Variants in COL3A1 observed in about 807,000 individuals in gnomAD.
COL3A1 encodes the protein collagen alpha-1(III) chain.
COL3A1 carries 46 observed loss-of-function variants against 200.9 expected under a neutral mutation model. The ratio of observed to expected loss-of-function variants is 0.23; its 90% confidence interval spans 0.18 to 0.29. The LOEUF is 0.29. COL3A1 is among the 10% of genes least tolerant of loss of function. COL3A1 has a pLI of 1.00. For missense variants in COL3A1, 1,367 were observed against 1,917.6 expected, an observed-to-expected ratio of 0.71 and a Z score of 5.36; for synonymous variants, 650 against 628.0, an observed-to-expected ratio of 1.03 and a Z score of -0.52.
chr2:189,001,943 G>A (rs2153503268), intron 34 of COL3A1, among the ~76,000 whole-genome samples: 1 of 152,152 alleles, frequency 6.6e-6, no homozygotes, highest in South Asian at 2.1e-4. Flanking sequence ...TTAAGACTCT[G>A]GAAAGATATT....
In COL3A1 at chr2:188,985,715, A is replaced by G; in HGVS notation, c.384A>G (p.Gln128=). Residue 128 remains glutamine (Q), a synonymous_variant, in exon 4 of 51, where the codon CAA becomes CAG. Transcript: ENST00000304636. ...ATGGTGACCCTGGTATTCCAGGACA[A>G]CCAGGGTCCCCTGGTTCTCCTGGCC... ...GRNGDPGIPG[Q]PGSPGSPGPP... is the part of the protein sequence containing the mutation. The G allele has an allele frequency of 6.2e-7, 1 of 1,611,362 alleles. No individual in the cohort carries two copies. The highest frequency in any genetic ancestry group is 8.5e-7 in the Non-Finnish European group (1 of 1,178,852).
chr2:188,982,863 A>G (rs1687982849), intron 1 of COL3A1, among the ~76,000 whole-genome samples: 1 of 151,850 alleles, frequency 6.6e-6, no homozygotes, highest in African/African-American at 2.4e-5. Flanking sequence ...CCAAACCCAA[A>G]TTTTCGGACC....
At chr2:188,982,826 T>G (rs1397828629) in intron 1 of COL3A1, among the ~76,000 whole-genome samples, 1 of 151,856 alleles carries the variant, frequency 6.6e-6, no homozygotes, top group African/African-American at 2.4e-5. Context: ...AATTACAGTG[T>G]TCCATGTAAT....
At chr2:189,009,876 T>A (rs1176869280) in intron 48 of COL3A1, among the ~76,000 whole-genome samples, 1 of 152,186 alleles carries the variant, frequency 6.6e-6, no homozygotes, top group Non-Finnish European at 1.5e-5. Context: ...AGATTACATA[T>A]AATAATCATC....
chr2:189,001,585 G>A lies in COL3A1; in HGVS notation c.2387G>A (p.Ser796Asn), dbSNP rs772493390. Residue 796 changes from serine to asparagine, a missense_variant, in exon 34 of 51, where the codon AGC (serine) becomes AAC (asparagine). By Grantham distance (46) the Ser-to-Asn change is conservative. Around this residue, in one of 5 missense-constraint regions of COL3A1, gnomAD observed 846 missense variants for 1,147.9 expected, o/e 0.74. Coordinates refer to ENST00000304636, the MANE Select transcript of COL3A1 (RefSeq NM_000090.4). ...CCAGGTATAGCTGGACCTCGTGGTA[G>A]CCCTGTAAGTGTTAAAGACATTCTC... Reference protein sequence around the residue: ...GLPGIAGPRGSPGERGETGPP... With the variant: ...GLPGIAGPRGNPGERGETGPP... The A allele has an allele frequency of 1.4e-5, 22 of 1,613,648 alleles. No individual in the cohort carries two copies. The highest frequency in any genetic ancestry group is 1.9e-5 in the Non-Finnish European group (22 of 1,179,998).
intron 4 of COL3A1, among the ~76,000 whole-genome samples, chr2:188,986,085 AT>A (rs1429805240): frequency 6.6e-6 from 1 of 152,062 alleles, no homozygotes; most frequent in Non-Finnish European, 1.5e-5. Flanking sequence ...AACAAAAAAA[AT>A]TAACCTAAAT....
rs1220594341 is a variant in COL3A1, at chr2:188,999,824, T to C, written c.2230-18T>C. The C allele has an allele frequency of 1.9e-6, 3 of 1,590,386 alleles. No homozygotes were observed. The highest frequency in any genetic ancestry group is 1.8e-5 in the Admixed American group (1 of 54,652). The stretch of plus-strand genomic sequence containing the variant: ...TGAAGATACTTTGAATCTGATGACA[T>C]TGGCTTTTATTTGACAGGGTGAACC... On this transcript the variant is annotated intron_variant, in intron 31 of 50. Transcript: ENST00000304636.
At chr2:189,002,818 CT>C (rs1256532931) in intron 35 of COL3A1, 136 bp from the exon 36 acceptor site, 19 of 736,532 alleles carry the variant, frequency 2.6e-5, no homozygotes, top group Middle Eastern at 2.4e-4. Flanking sequence ...TTTGTCATGT[CT>C]TCAGAAAGCC....
chr2:188,994,675 C>T lies in COL3A1; in HGVS notation c.1348-49C>T, dbSNP rs762985567. 1.2e-6 allele frequency: 2 copies of T among 1,610,030 alleles called. No homozygotes were observed. Among genetic ancestry groups the T allele is most frequent in the Non-Finnish European group, 1.7e-6 (2 of 1,177,448 alleles). The stretch of plus-strand genomic sequence containing the variant: ...AAAGTAAACAGGTAAAAACTTTGAA[C>T]TAAATTCAGTCATAATTTCTTTATT... On this transcript the variant is annotated intron_variant, in intron 19 of 50. Coordinates refer to ENST00000304636, the MANE Select transcript of COL3A1 (RefSeq NM_000090.4). This position sits in a 1 kb window ranked among gnomAD's most constrained non-coding sequence, Gnocchi z 4.5.
chr2:188,992,050 T>G (rs887099082), intron 13 of COL3A1, 134 bp from the exon 14 acceptor site: 3 of 841,678 alleles, frequency 3.6e-6, no homozygotes, highest in Non-Finnish European at 6.0e-6. Context: ...GACTTTAAAA[T>G]ACATAATTAT....
At chr2:189,006,142 C>T in intron 41 of COL3A1, 64 bp from the exon 42 acceptor site, 1 of 1,528,260 alleles carries the variant, frequency 6.5e-7, no homozygotes, top group African/African-American at 1.4e-5. Context: ...GCTGAGAATG[C>T]ATGGATGAAA....
intron 43 of COL3A1, 131 bp downstream of exon 43, chr2:189,006,583 A>G: frequency 1.1e-6 from 1 of 905,408 alleles, no homozygotes; most frequent in Non-Finnish European, 1.8e-6. Flanking sequence ...TTTTAATGCT[A>G]GTTGTTCCTT....
chr2:188,974,437 C>A lies in COL3A1; in HGVS notation c.-53C>A, dbSNP rs1305979135. On this transcript the variant is annotated 5_prime_UTR_variant, in exon 1 of 51. In the 5' UTR this introduces an upstream ATG that the reference lacks. Transcript: ENST00000304636. ...AACAACTTGATGGTGCTACTTTGAA[C>A]TGCTTTTCTTTTCTCCTTTTTGCAC... The A allele has an allele frequency of 1.6e-5, 23 of 1,432,262 alleles. No homozygotes were observed. Among genetic ancestry groups the A allele is most frequent in the Non-Finnish European group, 2.2e-5 (22 of 1,017,706 alleles). 88.7% of individuals were successfully genotyped at this position (1,432,262 alleles called of 1,614,324 possible). A position where few individuals can be genotyped will look rare whatever the true frequency, so the allele number is the denominator to read the frequency against.
chr2:188,991,517 G>C lies in COL3A1; in HGVS notation c.883G>C (p.Ala295Pro), dbSNP rs1410895886. Reference protein sequence around the residue: ...GENGLPGENGAPGPMGPRGAP... With the variant: ...GENGLPGENGPPGPMGPRGAP... ...AAATGGTCTTCCAGGCGAAAATGGA[G>C]CTCCTGGACCCATGGTAATTATGTT... Residue 295 changes from alanine to proline, a missense_variant, in exon 12 of 51, where the codon GCT (alanine) becomes CCT (proline). Physicochemically the swap from Ala to Pro is conservative, Grantham distance 27. Around this residue, in one of 5 missense-constraint regions of COL3A1, gnomAD observed 462 missense variants for 681.4 expected, o/e 0.68. Transcript: ENST00000304636. 2.5e-6 allele frequency: 4 copies of C among 1,611,578 alleles called. No homozygotes were observed. The highest frequency in any genetic ancestry group is 3.4e-6 in the Non-Finnish European group (4 of 1,178,178).
rs1382065703 is a variant in COL3A1, at chr2:188,985,677, A to G, written c.346A>G (p.Ile116Val). The G allele has an allele frequency of 1.9e-6, 3 of 1,609,244 alleles. No individual in the cohort carries two copies. The highest frequency in any genetic ancestry group is 1.3e-5 in the African/African-American group (1 of 74,654). ...GPKGDPGPPG[I>V]PGRNGDPGIP... ...ATCTCTTTTTTAGGGCCCTCCTGGT[A>G]TTCCTGGGAGAAATGGTGACCCTGG... is the stretch of plus-strand genomic sequence containing the variant. Residue 116 changes from isoleucine (I) to valine (V), a missense_variant, in exon 4 of 51, where the codon ATT (isoleucine) becomes GTT (valine). Physicochemically the swap from Ile to Val is conservative, Grantham distance 29. This residue lies in a region of COL3A1 where 462 missense variants were observed against 681.4 expected (regional missense o/e 0.68). Transcript: ENST00000304636.
In COL3A1 at chr2:188,994,093, C is replaced by G; in HGVS notation, c.1194+11C>G. On this transcript the variant is annotated intron_variant, in intron 17 of 50. Transcript: ENST00000304636. This position sits in a 1 kb window ranked among gnomAD's most constrained non-coding sequence, Gnocchi z 4.5. ...GGTAAAGGCGAAATGGTAAGCTGTC[C>G]CCACTCCTCAGCCTTATCTCATCCA... The G allele has an allele frequency of 6.2e-7, 1 of 1,614,050 alleles. No individual in the cohort carries two copies.
chr2:189,003,912 G>C, intron 38 of COL3A1, 70 bp from the exon 39 acceptor site: 1 of 1,567,422 alleles, frequency 6.4e-7, no homozygotes, highest in East Asian at 2.3e-5. Context: ...ATTATTTGAA[G>C]TAAGTAAAAA....
chr2:188,976,220 A>G (rs1024970182), intron 1 of COL3A1, among the ~76,000 whole-genome samples: 2 of 152,092 alleles, frequency 1.3e-5, no homozygotes, highest in Non-Finnish European at 2.9e-5. Flanking sequence ...ACATATTTGT[A>G]GTTGCCTCGT....
chr2:188,987,099 G>T lies in COL3A1; in HGVS notation c.488G>T (p.Gly163Val). 1 of 1,613,058 alleles carries T rather than the reference G, an allele frequency of 6.2e-7. No individual in the cohort carries two copies. The highest frequency in any genetic ancestry group is 8.5e-7 in the Non-Finnish European group (1 of 1,179,304). Reference protein sequence around the residue: ...PQYDSYDVKSGVAVGGLAGYP... With the variant: ...PQYDSYDVKSVVAVGGLAGYP... ...TATGATTCATATGATGTCAAGTCTG[G>T]AGTAGCAGTAGGAGGACTCGCAGGC... is the stretch of plus-strand genomic sequence containing the variant. Residue 163 changes from glycine to valine, a missense_variant, in exon 5 of 51, where the codon GGA (glycine) becomes GTA (valine). Around this residue, in one of 5 missense-constraint regions of COL3A1, gnomAD observed 462 missense variants for 681.4 expected, o/e 0.68. Transcript: ENST00000304636.
Sources: gnomAD v4.1 joint callset for allele counts (sites outside exome capture counted in the v4.1 genomes callset) on GRCh38, gnomAD v4.1.1 for gene constraint, gnomAD v4.1.1 regional missense constraint, Gnocchi (gnomAD v3.1) non-coding constraint, MANE v1.5 for transcripts, NCBI Gene and HGNC (gene_info 2026-07-23, HGNC 2026-07-21) for gene names.